Variants in SEMA3D observed in about 807,000 individuals in gnomAD.
The protein encoded by SEMA3D is semaphorin 3D, also known as semaphorin-3D.
A neutral mutation model predicts 100.1 loss-of-function variants in SEMA3D; 84 were observed. That is an observed-to-expected ratio of 0.84 (90% confidence interval 0.70 to 1.01). The LOEUF (loss-of-function observed/expected upper bound fraction) is 1.01, where lower values mean the gene tolerates loss of function less well. SEMA3D is among the 50% of genes least tolerant of loss of function. SEMA3D has a pLI of 0.00. For synonymous variants in SEMA3D, 312 were observed against 320.7 expected (o/e 0.97, Z 0.29); for missense variants, 875 against 934.1 (o/e 0.94, Z 0.82).
At chr7:85,077,662 C>A (rs1787914980) in intron 5 of SEMA3D, among the ~76,000 whole-genome samples, 1 of 151,948 alleles carries the variant, frequency 6.6e-6, no homozygotes, top group South Asian at 2.1e-4. Context: ...ATATTTTATT[C>A]ATTCATATGC....
At position 85,036,851 on chromosome 7, in the gene SEMA3D, C is replaced by A. The variant is rs551520193; in HGVS notation, c.1191+38G>T. ...AATTAAATTAAGAATTAAATATGAG[C>A]TTAAGAAAATAATTTGATTATTAAG... On this transcript the variant is annotated intron_variant, in intron 12 of 18. Transcript: ENST00000284136. The A allele has an allele frequency of 2.6e-6, 4 of 1,523,362 alleles. No homozygotes were observed. In the South Asian group the frequency reaches 5.1e-5, roughly 19 times the overall value. The allele number at this position is 1,523,362 out of a possible 1,614,324, so 94.4% of individuals were successfully genotyped here.
chr7:85,132,427 A>C (rs934062453), intron 2 of SEMA3D, among the ~76,000 whole-genome samples: 4 of 151,910 alleles, frequency 2.6e-5, no homozygotes, highest in African/African-American at 7.2e-5. Flanking sequence ...TGAACATGCC[A>C]GTATTATTTG....
intron 2 of SEMA3D, among the ~76,000 whole-genome samples, chr7:85,131,738 C>A (rs1789729532): frequency 6.6e-6 from 1 of 151,636 alleles, no homozygotes; most frequent in Non-Finnish European, 1.5e-5. Flanking sequence ...TCAATATATC[C>A]TTTGTATTGA....
chr7:85,144,508 A>T, intron 2 of SEMA3D: 1 of 979,736 alleles, frequency 1.0e-6, no homozygotes, highest in Non-Finnish European at 1.2e-6. Flanking sequence ...CAGAATAGAG[A>T]TATATTTTTT....
At chr7:85,072,318 C>T (rs1456920714) in intron 6 of SEMA3D, among the ~76,000 whole-genome samples, 1 of 152,090 alleles carries the variant, frequency 6.6e-6, no homozygotes, top group Admixed American at 6.6e-5. Flanking sequence ...GTCATTGTGC[C>T]AATGACTATA....
chr7:85,099,517 A>G (rs1296190552), intron 3 of SEMA3D, among the ~76,000 whole-genome samples: 1 of 151,962 alleles, frequency 6.6e-6, no homozygotes, highest in Admixed American at 6.6e-5. Context: ...ATGGACTAAT[A>G]CACATAGTTT....
the SEMA3D span, among the ~76,000 whole-genome samples, chr7:85,196,518 A>T: frequency 6.6e-6 from 1 of 152,086 alleles, no homozygotes. Flanking sequence ...AAAGTAAAAA[A>T]TCAAGCCACA....
the SEMA3D span, among the ~76,000 whole-genome samples, chr7:85,206,707 T>C: frequency 6.6e-6 from 1 of 152,074 alleles, no homozygotes; most frequent in African/African-American, 2.4e-5. Context: ...GGCCAGATGA[T>C]TATCTAGATC....
intron 1 of SEMA3D, among the ~76,000 whole-genome samples, chr7:85,177,248 T>C (rs1791261855): frequency 6.6e-6 from 1 of 152,182 alleles, no homozygotes; most frequent in Non-Finnish European, 1.5e-5. Context: ...GGTAGCCATA[T>C]TTGCTGGCCA....
At chr7:85,116,366 T>TTA in intron 3 of SEMA3D, among the ~76,000 whole-genome samples, 2 of 146,382 alleles carry the variant, frequency 1.4e-5, no homozygotes, top group Admixed American at 1.4e-4. Flanking sequence ...TATAATATAT[T>TTA]TATATATATT....
chr7:85,203,144 GC>G, the SEMA3D span, among the ~76,000 whole-genome samples: 1 of 152,176 alleles, frequency 6.6e-6, no homozygotes, highest in Non-Finnish European at 1.5e-5. Context: ...AAGCTCAGTA[GC>G]TGAAGATTGG....
At chr7:85,217,221 G>T in the SEMA3D span, among the ~76,000 whole-genome samples, 1 of 151,914 alleles carries the variant, frequency 6.6e-6, no homozygotes, top group East Asian at 1.9e-4. Context: ...CAAACCTTAG[G>T]CCAAACTTGT....
intron 2 of SEMA3D, among the ~76,000 whole-genome samples, chr7:85,137,745 C>T (rs1789908756): frequency 6.6e-6 from 1 of 152,130 alleles, no homozygotes; most frequent in South Asian, 2.1e-4. Flanking sequence ...CAAATCCCTT[C>T]TTTAACTACA....
At chr7:85,212,534 G>A in the SEMA3D span, among the ~76,000 whole-genome samples, 48 of 150,788 alleles carry the variant, frequency 3.2e-4, no homozygotes, top group East Asian at 9.6e-4. Flanking sequence ...CTTTGATATC[G>A]ACTCAGATTA....
chr7:85,081,084 A>G (rs1788045801), intron 5 of SEMA3D, among the ~76,000 whole-genome samples: 1 of 152,116 alleles, frequency 6.6e-6, no homozygotes, highest in African/African-American at 2.4e-5. Context: ...TAGATATTTT[A>G]AGTTTAATTT....
At chr7:85,031,324 G>A (rs1010479692) in intron 12 of SEMA3D, among the ~76,000 whole-genome samples, 5 of 151,914 alleles carry the variant, frequency 3.3e-5, no homozygotes, top group Admixed American at 6.6e-5. Flanking sequence ...AATAACCTAC[G>A]TTAAAGCTTT....
intron 5 of SEMA3D, among the ~76,000 whole-genome samples, chr7:85,079,753 C>A (rs1345332556): frequency 6.6e-6 from 1 of 152,212 alleles, no homozygotes; most frequent in Non-Finnish European, 1.5e-5. Flanking sequence ...GCCTCCTTAT[C>A]GTATACTCAA....
At chr7:85,173,375 G>T (rs1791138528) in intron 1 of SEMA3D, among the ~76,000 whole-genome samples, 1 of 151,980 alleles carries the variant, frequency 6.6e-6, no homozygotes, top group Non-Finnish European at 1.5e-5. Flanking sequence ...AGTATTAAGG[G>T]TTTACTCTGT....
rs1481661431 is a variant in SEMA3D at position 85,142,784 on chromosome 7, G to A, written c.-41+10824C>T. 7 of 983,688 alleles carry A rather than the reference G, an allele frequency of 7.1e-6. No individual in the cohort carries two copies. In the African/African-American group the frequency reaches 1.2e-4, roughly 17 times the overall value. 60.9% of individuals were successfully genotyped at this position (983,688 alleles called of 1,614,324 possible). A position where few individuals can be genotyped will look rare whatever the true frequency, so the allele number is the denominator to read the frequency against. ...GATTCCCAGACTAACCACATGATGT[G>A]AATGGAATAACCTTTTCTCTCTTCG... is the stretch of plus-strand genomic sequence containing the variant. On this transcript the variant is annotated intron_variant, in intron 2 of 18. Transcript: ENST00000284136.
Sources: allele counts gnomAD v4.1 joint callset (sites outside exome capture counted in the v4.1 genomes callset), GRCh38; gene constraint gnomAD v4.1.1; transcripts MANE v1.5; gene names NCBI Gene and HGNC (gene_info 2026-07-23, HGNC 2026-07-21).